Variants in ZNF473 observed in about 807,000 individuals in gnomAD.
ZNF473 encodes zinc finger protein 100 homolog.
In ZNF473, 4 loss-of-function variants were observed where a neutral mutation model predicts 11.1. The ratio of observed to expected loss-of-function variants is 0.36; its 90% CI spans 0.18 to 0.82. The LOEUF (loss-of-function observed/expected upper bound fraction) is 0.82, where lower values mean the gene tolerates loss of function less well. ZNF473 is among the 40% of genes least tolerant of loss of function. The pLI, the probability that ZNF473 is intolerant of heterozygous loss-of-function variation, is 0.49. For missense variants in ZNF473, 854 were observed against 1,084.0 expected, an observed-to-expected ratio of 0.79 and a Z score of 2.98; for synonymous variants, 404 against 390.4, an observed-to-expected ratio of 1.03 and a Z score of -0.41.
chr19:50,039,362 G>A lies in ZNF473; in HGVS notation c.136+75G>A. On this transcript the variant is annotated intron_variant, in intron 3 of 4. Coordinates refer to ENST00000270617, the MANE Select transcript of ZNF473 (RefSeq NM_015428.4). This position sits in a 1 kb window ranked among gnomAD's most constrained non-coding sequence, Gnocchi z 4.8. Reference sequence around the variant, plus strand: ...CACCCATGCTCTCTACCACCCACAGGGTGAAGTCCTGGCTCCTGGGCTCCT... The same window carrying A: ...CACCCATGCTCTCTACCACCCACAGAGTGAAGTCCTGGCTCCTGGGCTCCT... 1.3e-6 allele frequency: 2 copies of A among 1,580,522 alleles called. No homozygotes were observed. Among genetic ancestry groups the A allele is most frequent in the Non-Finnish European group, 8.6e-7 (1 of 1,158,132 alleles).
chr19:50,043,440 A>C (rs1211385432), intron 4 of ZNF473: 1 of 106,168 alleles, frequency 9.4e-6, no homozygotes, highest in Non-Finnish European at 2.0e-5. Context: ...TCCAAAAAAA[A>C]AAAAAAAAAT....
chr19:50,031,130 A>C (rs977359735), intron 2 of ZNF473, 39 bp downstream of exon 2: 1 of 1,558,966 alleles, frequency 6.4e-7, no homozygotes, highest in Non-Finnish European at 8.7e-7. Flanking sequence ...GGTCACACCC[A>C]AAGGCAGAAA....
At position 50,029,105 on chromosome 19, in the gene ZNF473, C is replaced by G. The variant is rs1299905593; in HGVS notation, c.-191-1787C>G. ...GGGTAAAGTGTTCAATTATGAAATGCAGCCTGATCCACACTGCGCTGGGAC... is the reference window on the plus strand; with the variant it reads ...GGGTAAAGTGTTCAATTATGAAATGGAGCCTGATCCACACTGCGCTGGGAC... On this transcript the variant is annotated intron_variant, in intron 1 of 4. Coordinates refer to ENST00000270617, the MANE Select transcript of ZNF473 (RefSeq NM_015428.4). 2.6e-5 allele frequency among the ~76,000 whole-genome samples: 4 copies of G among 152,184 alleles called. No individual in the cohort carries two copies. In the South Asian group the frequency reaches 6.2e-4, roughly 24 times the overall value.
At chr19:50,041,097 G>A (rs1978743929) in intron 3 of ZNF473, 1 of 152,214 alleles carries the variant, frequency 6.6e-6, no homozygotes, top group Admixed American at 6.5e-5. Context: ...GGCTGGAGGC[G>A]AGGTGTTGGC....
intron 3 of ZNF473, chr19:50,041,254 A>T (rs186460228): frequency 7.9e-5 from 12 of 152,654 alleles, no homozygotes; most frequent in African/African-American, 2.9e-4. Context: ...TGTGGCCTGT[A>T]TCCCTCCTGG....
chr19:50,044,330 A>G (rs1249766426), intron 4 of ZNF473, among the ~76,000 whole-genome samples: 1 of 152,166 alleles, frequency 6.6e-6, no homozygotes, highest in Non-Finnish European at 1.5e-5. Flanking sequence ...TCTGGGATAG[A>G]GGATGCAGGA....
chr19:50,028,426 C>T (rs375103531), intron 1 of ZNF473, among the ~76,000 whole-genome samples: 4 of 152,106 alleles, frequency 2.6e-5, no homozygotes, highest in South Asian at 2.1e-4. Context: ...AGTGATCCTC[C>T]TACCTCAGCC....
chr19:50,032,059 C>T (rs950842260), intron 2 of ZNF473, among the ~76,000 whole-genome samples: 2 of 151,468 alleles, frequency 1.3e-5, no homozygotes, highest in Non-Finnish European at 2.9e-5. Flanking sequence ...CCCCAGTGCC[C>T]ACAATGTGGT....
At chr19:50,027,709 T>G (rs1025526891) in intron 1 of ZNF473, among the ~76,000 whole-genome samples, 9 of 136,770 alleles carry the variant, frequency 6.6e-5, no homozygotes, top group African/African-American at 3.3e-4. Context: ...AGAATTGTGT[T>G]TTTTTTTTGA....
chr19:50,040,786 A>G (rs10412562), intron 3 of ZNF473, among the ~76,000 whole-genome samples: 7,994 of 152,340 alleles, frequency 0.052, 694 homozygotes, highest in African/African-American at 0.18. Context: ...CACACGGTGG[A>G]AACTATCATT....
intron 1 of ZNF473, among the ~76,000 whole-genome samples, chr19:50,027,511 G>C (rs933753532): frequency 1.2e-4 from 18 of 152,008 alleles, no homozygotes; most frequent in African/African-American, 3.4e-4. Flanking sequence ...TCCACCTCTG[G>C]GCCCTCGTTT....
rs768430295 is a variant in ZNF473 at position 50,041,794 on chromosome 19, A to T, written c.201A>T (p.Gly67=). ...GTGAAGATCTGGAGCCTCTGGCAGG[A>T]GGAAGCCCAGAAGCAACAAGCCCTG... ...DGSEDLEPLA[G]GSPEATSPDV... is the part of the protein sequence containing the mutation. Residue 67 remains glycine (G), a synonymous_variant, in exon 4 of 5, where the codon GGA becomes GGT. Transcript: ENST00000270617. 16 of 1,612,366 alleles carry T rather than the reference A, an allele frequency of 9.9e-6. No individual in the cohort carries two copies. The highest frequency in any genetic ancestry group is 1.3e-5 in the African/African-American group (1 of 74,636).
At position 50,046,786 on chromosome 19, in the gene ZNF473, T is replaced by C; in HGVS notation, c.2343T>C (p.Thr781=). ...TTTCTATTCACCGGAGAGTTCACACTGGGGAGAAGCCCTACAGATGTGGTG... is the reference window on the plus strand; with the variant it reads ...TTTCTATTCACCGGAGAGTTCACACCGGGGAGAAGCCCTACAGATGTGGTG... ...SCLSIHRRVH[T]GEKPYRCGEC... is the part of the protein sequence containing the mutation. Residue 781 remains threonine, a synonymous_variant, in exon 5 of 5, where the codon ACT becomes ACC. Transcript: ENST00000270617. This position sits in a 1 kb window ranked among gnomAD's most constrained non-coding sequence, Gnocchi z 5.9. 6.2e-7 allele frequency: 1 copy of C among 1,614,138 alleles called. No individual in the cohort carries two copies. Among genetic ancestry groups the C allele is most frequent in the Non-Finnish European group, 8.5e-7 (1 of 1,180,002 alleles).
At position 50,047,155 on chromosome 19, in the gene ZNF473, C is replaced by G. The variant is rs550170191; in HGVS notation, c.*96C>G. Reference sequence around the variant, plus strand: ...TTGCAAGTTTCTCTCCAAATAAATGCATCTAAAGATTGATTAGAAAGTTTG... The same window carrying G: ...TTGCAAGTTTCTCTCCAAATAAATGGATCTAAAGATTGATTAGAAAGTTTG... On this transcript the variant is annotated 3_prime_UTR_variant, in exon 5 of 5. Coordinates refer to ENST00000270617, the MANE Select transcript of ZNF473 (RefSeq NM_015428.4). 1.1e-5 allele frequency: 11 copies of G among 1,027,750 alleles called. 1 individual carries two copies. Among genetic ancestry groups the G allele is most frequent in the Non-Finnish European group, 1.5e-5 (11 of 717,480 alleles). 63.7% of individuals were successfully genotyped at this position (1,027,750 alleles called of 1,614,324 possible). A position where few individuals can be genotyped will look rare whatever the true frequency, so the allele number is the denominator to read the frequency against.
At chr19:50,031,697 T>A (rs1684562763) in intron 2 of ZNF473, among the ~76,000 whole-genome samples, 1 of 152,130 alleles carries the variant, frequency 6.6e-6, no homozygotes, top group Non-Finnish European at 1.5e-5. Context: ...CCAGACTAGA[T>A]GCTCCTTGGG....
At chr19:50,037,746 A>G (rs573773941) in intron 2 of ZNF473, among the ~76,000 whole-genome samples, 7 of 151,830 alleles carry the variant, frequency 4.6e-5, no homozygotes, top group African/African-American at 7.2e-5. Context: ...GCTTGAGCCC[A>G]GGAGGTGGAG....
At chr19:50,037,152 C>G (rs1035394592) in intron 2 of ZNF473, among the ~76,000 whole-genome samples, 1 of 152,140 alleles carries the variant, frequency 6.6e-6, no homozygotes, top group Admixed American at 6.5e-5. Flanking sequence ...GGAATTGCCC[C>G]TTTGTCGAGC....
At position 50,045,587 on chromosome 19, in the gene ZNF473, A is replaced by C. The variant is rs758609263; in HGVS notation, c.1144A>C (p.Lys382Gln). 12 of 1,614,182 alleles carry C rather than the reference A, an allele frequency of 7.4e-6. No homozygotes were observed. The highest frequency in any genetic ancestry group is 1.0e-5 in the Non-Finnish European group (12 of 1,180,026). The change falls in exon 5 of 5, where the codon AAG (lysine) becomes CAG (glutamine). Residue 382 changes from lysine (K) to glutamine (Q), a missense_variant. Lys to Gln is a moderately conservative substitution (Grantham distance 53). Coordinates refer to ENST00000270617, the MANE Select transcript of ZNF473 (RefSeq NM_015428.4). ...TACCTCTGAGTGTCAGGAGTGTGGG[A>C]AGATTTTTAGGCACAGTTCGCTGCT... ...KTTSECQECG[K>Q]IFRHSSLLIE... is the part of the protein sequence containing the mutation.
intron 1 of ZNF473, among the ~76,000 whole-genome samples, chr19:50,028,155 G>A (rs895935975): frequency 2.6e-5 from 4 of 152,108 alleles, no homozygotes; most frequent in African/African-American, 9.6e-5. Context: ...AAAATTCTCC[G>A]GGCGTGGTGG....
Sources: gnomAD v4.1 joint callset for allele counts (sites outside exome capture counted in the v4.1 genomes callset) on GRCh38, gnomAD v4.1.1 for gene constraint, Gnocchi (gnomAD v3.1) non-coding constraint, MANE v1.5 for transcripts, NCBI Gene and HGNC (gene_info 2026-07-23, HGNC 2026-07-21) for gene names.